Variants in GTF2E2 observed in about 807,000 individuals in gnomAD.
The protein encoded by GTF2E2 is general transcription factor IIE subunit 2.
A neutral mutation model predicts 40.5 loss-of-function variants in GTF2E2; 21 were observed. The ratio of observed to expected loss-of-function variants is 0.52; its 90% CI spans 0.37 to 0.75. The LOEUF is 0.75. Ranked by LOEUF, GTF2E2 falls within the 30% of genes least tolerant of loss-of-function variation. The pLI is 0.00. For synonymous variants in GTF2E2, 117 were observed against 121.6 expected, an observed-to-expected ratio of 0.96 and a Z score of 0.25; for missense variants, 298 against 338.4, an observed-to-expected ratio of 0.88 and a Z score of 0.94.
At chr8:30,595,243 C>G (rs1205996398) in intron 6 of GTF2E2, among the ~76,000 whole-genome samples, 3 of 152,196 alleles carry the variant, frequency 2.0e-5, no homozygotes, top group Non-Finnish European at 4.4e-5. Context: ...TTATTGATCC[C>G]TTCTGACCTT....
At chr8:30,602,801 C>T (rs1231092431) in intron 6 of GTF2E2, among the ~76,000 whole-genome samples, 1 of 150,580 alleles carries the variant, frequency 6.6e-6, no homozygotes, top group Non-Finnish European at 1.5e-5. Context: ...GAAACAAAAG[C>T]CACTCTAGGA....
chr8:30,652,560 AAC>A (rs1245639442), intron 2 of GTF2E2, among the ~76,000 whole-genome samples: 3 of 152,132 alleles, frequency 2.0e-5, no homozygotes, highest in African/African-American at 7.2e-5. Flanking sequence ...AAAAAAAAAA[AAC>A]AGAATTTCAA....
chr8:30,627,440 C>CT (rs1270200556), intron 3 of GTF2E2, among the ~76,000 whole-genome samples: 1 of 129,608 alleles, frequency 7.7e-6, no homozygotes, highest in African/African-American at 2.9e-5. Context: ...AAGGTTTTAC[C>CT]TCTCTTGCAA....
chr8:30,608,061 T>A (rs984624392), intron 5 of GTF2E2, among the ~76,000 whole-genome samples: 6 of 152,160 alleles, frequency 3.9e-5, no homozygotes, highest in Non-Finnish European at 7.3e-5. Context: ...ACAAAAAAAA[T>A]TTTGTATTTT....
chr8:30,587,636 G>A (rs140474100), intron 6 of GTF2E2, among the ~76,000 whole-genome samples: 24 of 152,086 alleles, frequency 1.6e-4, no homozygotes, highest in Non-Finnish European at 7.4e-5. Context: ...ACTTTGGGAG[G>A]CCAAGGCATG....
At chr8:30,615,170 T>C (rs187996631) in intron 3 of GTF2E2, among the ~76,000 whole-genome samples, 5 of 151,906 alleles carry the variant, frequency 3.3e-5, no homozygotes, top group African/African-American at 1.2e-4. Flanking sequence ...TCCCAGCTAC[T>C]TGGGAGGCTG....
intron 2 of GTF2E2, among the ~76,000 whole-genome samples, chr8:30,652,773 A>G (rs918042526): frequency 6.6e-6 from 1 of 152,258 alleles, no homozygotes; most frequent in Non-Finnish European, 1.5e-5. Flanking sequence ...TCATACCAAC[A>G]CTATTCAAAA....
intron 3 of GTF2E2, among the ~76,000 whole-genome samples, chr8:30,617,011 G>T (rs1334206084): frequency 6.6e-6 from 1 of 152,060 alleles, no homozygotes; most frequent in Non-Finnish European, 1.5e-5. Flanking sequence ...GAGAAAATGA[G>T]TAGGATGACA....
intron 6 of GTF2E2, among the ~76,000 whole-genome samples, chr8:30,594,884 G>A (rs935665967): frequency 6.6e-6 from 1 of 150,950 alleles, no homozygotes; most frequent in African/African-American, 2.4e-5. Context: ...GTATATACTA[G>A]AGTCTTGCTT....
intron 5 of GTF2E2, among the ~76,000 whole-genome samples, chr8:30,609,105 A>G (rs949047821): frequency 6.6e-6 from 1 of 152,034 alleles, no homozygotes; most frequent in Admixed American, 6.5e-5. Context: ...ATCTCTACTA[A>G]AAATAGAAAA....
At chr8:30,579,956 C>T (rs1349272076) in intron 7 of GTF2E2, among the ~76,000 whole-genome samples, 1 of 152,178 alleles carries the variant, frequency 6.6e-6, no homozygotes, top group African/African-American at 2.4e-5. Flanking sequence ...GATCAAGGCA[C>T]AGCATCCCTT....
rs1052092595 is a variant in GTF2E2, at chr8:30,634,260, C to A, written c.258+772G>T. ...CTTAGGAGTTCGAGACCAGCCTGGACAACACAGTGAGACTTCGTCTCTTCT... is the reference window on the plus strand; with the variant it reads ...CTTAGGAGTTCGAGACCAGCCTGGAAAACACAGTGAGACTTCGTCTCTTCT... On this transcript the variant is annotated intron_variant, in intron 3 of 7. Coordinates refer to ENST00000355904, the MANE Select transcript of GTF2E2 (RefSeq NM_002095.6). Among the ~76,000 whole-genome samples the A allele has an allele frequency of 2.0e-5, 3 of 152,108 alleles. No individual in the cohort carries two copies. The South Asian group carries it at 6.2e-4, about 31-fold the overall frequency.
intron 7 of GTF2E2, among the ~76,000 whole-genome samples, 174 bp from the exon 8 acceptor site, chr8:30,579,211 C>T (rs970989356): frequency 1.3e-5 from 2 of 152,216 alleles, no homozygotes; most frequent in East Asian, 1.9e-4. Flanking sequence ...GACCAGACCC[C>T]GGGCCTTTGT....
At chr8:30,638,384 T>C (rs997921752) in intron 2 of GTF2E2, among the ~76,000 whole-genome samples, 4 of 152,170 alleles carry the variant, frequency 2.6e-5, no homozygotes, top group Non-Finnish European at 5.9e-5. Flanking sequence ...AACTCACAAA[T>C]TCCTATATAG....
chr8:30,581,192 G>T (rs1218161636), intron 6 of GTF2E2, among the ~76,000 whole-genome samples: 1 of 152,172 alleles, frequency 6.6e-6, no homozygotes, highest in Non-Finnish European at 1.5e-5. Context: ...AACGAAAAAA[G>T]GAAAAGCTCT....
intron 3 of GTF2E2, among the ~76,000 whole-genome samples, chr8:30,623,872 T>C (rs1475344623): frequency 1.3e-5 from 2 of 152,100 alleles, no homozygotes; most frequent in Non-Finnish European, 2.9e-5. Context: ...TTTTTTTTCT[T>C]GAAAATTTGT....
At chr8:30,647,000 A>AAG (rs1802106636) in intron 2 of GTF2E2, among the ~76,000 whole-genome samples, 1 of 144,482 alleles carries the variant, frequency 6.9e-6, no homozygotes, top group Non-Finnish European at 1.5e-5. Flanking sequence ...AAAAAAAAAA[A>AAG]AAAAAGCAAC....
intron 1 of GTF2E2, among the ~76,000 whole-genome samples, chr8:30,656,610 G>A (rs1802455936): frequency 6.6e-6 from 1 of 152,034 alleles, no homozygotes; most frequent in Non-Finnish European, 1.5e-5. Flanking sequence ...AGTTCTAGAC[G>A]AGTCTGGCCA....
intron 1 of GTF2E2, among the ~76,000 whole-genome samples, chr8:30,657,263 C>T (rs1344661335): frequency 6.6e-6 from 1 of 152,120 alleles, no homozygotes; most frequent in Admixed American, 6.5e-5. Context: ...TACAATTAAA[C>T]AAAACCACAA....
Sources: allele counts gnomAD v4.1 joint callset (sites outside exome capture counted in the v4.1 genomes callset), GRCh38; gene constraint gnomAD v4.1.1; transcripts MANE v1.5; gene names NCBI Gene and HGNC (gene_info 2026-07-23, HGNC 2026-07-21).